Variants in CHRNA7 observed in about 807,000 individuals in gnomAD.
The protein encoded by CHRNA7 is neuronal acetylcholine receptor subunit alpha-7.
A neutral mutation model predicts 48.0 loss-of-function variants in CHRNA7; 17 were observed. That is an observed-to-expected ratio of 0.35 (90% CI 0.24 to 0.53). The LOEUF is 0.53. CHRNA7 is among the 20% of genes least tolerant of loss of function. CHRNA7 has a pLI of 0.92. For missense variants in CHRNA7, 155 were observed against 577.7 expected, an observed-to-expected ratio of 0.27 and a Z score of 7.50; for synonymous variants, 75 against 242.3, an observed-to-expected ratio of 0.31 and a Z score of 6.41.
chr15:32,112,043 A>G (rs1207118905), intron 4 of CHRNA7, 144 bp downstream of exon 4: 2 of 664,954 alleles, frequency 3.0e-6, no homozygotes, highest in Non-Finnish European at 5.4e-6. Context: ...CCGAGCGGCC[A>G]GGCCTTTGAG....
intron 2 of CHRNA7, among the ~76,000 whole-genome samples, chr15:32,081,322 A>G (rs964228379): frequency 6.6e-6 from 1 of 152,122 alleles, no homozygotes; most frequent in African/African-American, 2.4e-5. Context: ...AAAATAAATA[A>G]ATTACTGTAC....
At chr15:32,121,980 C>T (rs1027768792) in intron 4 of CHRNA7, among the ~76,000 whole-genome samples, 1 of 152,216 alleles carries the variant, frequency 6.6e-6, no homozygotes, top group African/African-American at 2.4e-5. Flanking sequence ...CGCCTGGCCA[C>T]AGTCGCCTAC....
chr15:32,034,261 A>G (rs1210013711), intron 2 of CHRNA7, among the ~76,000 whole-genome samples: 2 of 152,326 alleles, frequency 1.3e-5, no homozygotes, highest in Non-Finnish European at 2.9e-5. Context: ...CTGAAAGTGC[A>G]GTGGAGGACA....
intron 4 of CHRNA7, among the ~76,000 whole-genome samples, chr15:32,141,287 G>A (rs1263796703): frequency 6.6e-6 from 1 of 152,182 alleles, no homozygotes; most frequent in Non-Finnish European, 1.5e-5. Context: ...CTATATCTCT[G>A]TTTTGGTACC....
At chr15:32,135,214 G>A (rs2051232884) in intron 4 of CHRNA7, among the ~76,000 whole-genome samples, 4 of 152,262 alleles carry the variant, frequency 2.6e-5, no homozygotes, top group Admixed American at 2.6e-4. Context: ...ATAGTAGAAG[G>A]CAATAATAAA....
At position 32,083,941 on chromosome 15, in the gene CHRNA7, A is replaced by AT. The variant is rs770518346; in HGVS notation, c.196-17356dup. On this transcript the variant is annotated intron_variant, in intron 2 of 9. Coordinates refer to ENST00000306901, the MANE Select transcript of CHRNA7 (RefSeq NM_000746.6). Reference sequence around the variant, plus strand: ...AGGGTTTATGAATGGTCTGTATTTGATTTTTTAGCACCTCACTATTCATCA... The same window carrying AT: ...AGGGTTTATGAATGGTCTGTATTTGATTTTTTTAGCACCTCACTATTCATCA... Among the ~76,000 whole-genome samples, 38 of 152,208 alleles carry AT rather than the reference A, an allele frequency of 2.5e-4. 1 individual carries two copies. Among genetic ancestry groups the AT allele is most frequent in the Middle Eastern group, 3.4e-3 (1 of 294 alleles).
chr15:32,088,254 T>G (rs147527661), intron 2 of CHRNA7, among the ~76,000 whole-genome samples: 217 of 152,354 alleles, frequency 1.4e-3, no homozygotes, highest in African/African-American at 5.0e-3. Context: ...CCTATATCTT[T>G]CATGGCTTGA....
chr15:32,083,750 G>A (rs1228061999), intron 2 of CHRNA7, among the ~76,000 whole-genome samples: 3 of 152,122 alleles, frequency 2.0e-5, no homozygotes, highest in Non-Finnish European at 4.4e-5. Flanking sequence ...CATTTATGAA[G>A]GAAGGAATTA....
At chr15:32,142,509 G>C (rs900997336) in intron 4 of CHRNA7, among the ~76,000 whole-genome samples, 4 of 152,056 alleles carry the variant, frequency 2.6e-5, no homozygotes, top group Admixed American at 6.6e-5. Context: ...CGGCTCCTCT[G>C]TACCTCTGGC....
intron 4 of CHRNA7, among the ~76,000 whole-genome samples, chr15:32,115,324 C>T (rs1032384488): frequency 6.6e-6 from 1 of 152,158 alleles, no homozygotes; most frequent in Non-Finnish European, 1.5e-5. Context: ...GGGGAAGGCA[C>T]GCTCCGCCAT....
chr15:32,136,361 T>C (rs924050954), intron 4 of CHRNA7, among the ~76,000 whole-genome samples: 47 of 151,220 alleles, frequency 3.1e-4, no homozygotes, highest in African/African-American at 1.0e-3. Flanking sequence ...CGTGGTGGCA[T>C]GTGCCTGTAG....
At chr15:32,133,650 G>T (rs906279786) in intron 4 of CHRNA7, among the ~76,000 whole-genome samples, 3 of 152,194 alleles carry the variant, frequency 2.0e-5, no homozygotes, top group Non-Finnish European at 2.9e-5. Context: ...GACTGTTTTA[G>T]GCTGTGCTCA....
chr15:32,135,684 A>C (rs967043284), intron 4 of CHRNA7, among the ~76,000 whole-genome samples: 6 of 152,190 alleles, frequency 3.9e-5, no homozygotes, highest in African/African-American at 1.4e-4. Flanking sequence ...AGGATGTAAT[A>C]ATATTGATGA....
chr15:32,093,823 A>AT (rs1397082274), intron 2 of CHRNA7, among the ~76,000 whole-genome samples: 3 of 152,194 alleles, frequency 2.0e-5, no homozygotes, highest in Non-Finnish European at 4.4e-5. Flanking sequence ...CTGTGGTCTG[A>AT]TTTTTTAAAT....
In CHRNA7 at chr15:32,130,545, T is replaced by A. The variant is rs531229085; in HGVS notation, c.350+18646T>A. ...TATGTGTGTCTGTGATATATATATA[T>A]TATATATATATATTCTTCGTTTTTT... On this transcript the variant is annotated intron_variant, in intron 4 of 9. Coordinates refer to ENST00000306901, the MANE Select transcript of CHRNA7 (RefSeq NM_000746.6). Among the ~76,000 whole-genome samples, 165 of 149,958 alleles carry A rather than the reference T, an allele frequency of 1.1e-3. 2 individuals carry two copies. In the South Asian group the frequency reaches 0.033, roughly 30 times the overall value.
At chr15:32,125,529 C>T (rs751915494) in intron 4 of CHRNA7, among the ~76,000 whole-genome samples, 13 of 110,976 alleles carry the variant, frequency 1.2e-4, no homozygotes, top group Middle Eastern at 4.4e-3. Context: ...AGAGACGCTC[C>T]GCTGCAGTCT....
intron 4 of CHRNA7, among the ~76,000 whole-genome samples, chr15:32,114,480 G>C (rs373881118): frequency 6.6e-6 from 1 of 152,088 alleles, no homozygotes; most frequent in Non-Finnish European, 1.5e-5. Context: ...GATCCTGCTC[G>C]TTCCTCTTTC....
chr15:32,109,900 G>A (rs1485488833), intron 3 of CHRNA7, among the ~76,000 whole-genome samples: 1 of 152,206 alleles, frequency 6.6e-6, no homozygotes, highest in Non-Finnish European at 1.5e-5. Context: ...AGCTCTGGCT[G>A]TGCCTTGGAC....
intron 4 of CHRNA7, among the ~76,000 whole-genome samples, chr15:32,129,944 CTT>C (rs1249994532): frequency 6.6e-6 from 1 of 151,926 alleles, no homozygotes; most frequent in Non-Finnish European, 1.5e-5. Flanking sequence ...TTCCTTGAGA[CTT>C]TCTCTTTGAC....
Sources: allele counts gnomAD v4.1 joint callset (sites outside exome capture counted in the v4.1 genomes callset), GRCh38; gene constraint gnomAD v4.1.1; transcripts MANE v1.5; gene names NCBI Gene and HGNC (gene_info 2026-07-23, HGNC 2026-07-21).